The following F13A1 variants were observed in gnomAD, a reference collection of about 807,000 sequenced individuals.
F13A1 encodes coagulation factor XIII A chain, also known as FSF, A subunit.
Under a neutral mutation model 80.1 loss-of-function variants are expected in F13A1, and 47 were observed. The ratio of observed to expected loss-of-function variants is 0.59; its 90% CI spans 0.46 to 0.75. The LOEUF (loss-of-function observed/expected upper bound fraction) is 0.75, where lower values mean the gene tolerates loss of function less well. F13A1 is among the 30% of genes least tolerant of loss of function. The pLI, the probability that F13A1 is intolerant of heterozygous loss-of-function variation, is 0.00. For missense variants in F13A1, 817 were observed against 930.4 expected, an observed-to-expected ratio of 0.88 and a Z score of 1.59; for synonymous variants, 349 against 344.9, an observed-to-expected ratio of 1.01 and a Z score of -0.13.
intron 13 of F13A1, among the ~76,000 whole-genome samples, chr6:6,158,977 C>A (rs1175528037): frequency 6.7e-6 from 1 of 149,914 alleles, no homozygotes; most frequent in Non-Finnish European, 1.5e-5. Context: ...TCTCAGCTCA[C>A]TGCAAGCTCT....
chr6:6,270,963 T>C (rs1277706851), intron 3 of F13A1, among the ~76,000 whole-genome samples: 1 of 152,132 alleles, frequency 6.6e-6, no homozygotes, highest in East Asian at 1.9e-4. Context: ...GTGATTTGCA[T>C]TGGGAAGACT....
At chr6:6,181,530 G>C (rs942348977) in intron 11 of F13A1, among the ~76,000 whole-genome samples, 2 of 152,120 alleles carry the variant, frequency 1.3e-5, no homozygotes, top group African/African-American at 4.8e-5. Context: ...TATTAATATT[G>C]TATTATCTAC....
At chr6:6,299,572 G>A in intron 3 of F13A1, among the ~76,000 whole-genome samples, 1 of 139,130 alleles carries the variant, frequency 7.2e-6, no homozygotes, top group Non-Finnish European at 1.5e-5. Context: ...TCTTCACGTA[G>A]TTCTCGAGCC....
chr6:6,213,162 T>A (rs1358204023), intron 8 of F13A1, among the ~76,000 whole-genome samples: 5 of 151,946 alleles, frequency 3.3e-5, no homozygotes, highest in African/African-American at 1.2e-4. Flanking sequence ...ACGTTCAGAT[T>A]CAGGAAATAC....
At position 6,189,918 on chromosome 6, in the gene F13A1, G is replaced by C. The variant is rs1256802044; in HGVS notation, c.1305+5879C>G. 5.3e-5 allele frequency among the ~76,000 whole-genome samples: 8 copies of C among 152,010 alleles called. No homozygotes were observed. The South Asian group carries it at 1.2e-3, about 24-fold the overall frequency. On this transcript the variant is annotated intron_variant, in intron 10 of 14. Transcript: ENST00000264870. The stretch of plus-strand genomic sequence containing the variant: ...TCCCATATTTCTTGGAGGCTTTTCT[G>C]GTTTCTTTTTATTCTTTTTTCTCTA...
chr6:6,211,667 G>T (rs1038737385), intron 8 of F13A1, among the ~76,000 whole-genome samples: 1 of 152,206 alleles, frequency 6.6e-6, no homozygotes, highest in Non-Finnish European at 1.5e-5. Context: ...AATAATTAGG[G>T]GGAGGAGCCA....
chr6:6,318,484 GC>G, intron 2 of F13A1, 50 bp downstream of exon 2: 2 of 1,577,904 alleles, frequency 1.3e-6, no homozygotes, highest in Non-Finnish European at 1.7e-6. Flanking sequence ...AGGGGCCAGG[GC>G]CCGGCTGTGC....
intron 12 of F13A1, among the ~76,000 whole-genome samples, chr6:6,169,783 G>A (rs1760740422): frequency 6.6e-6 from 1 of 152,212 alleles, no homozygotes; most frequent in Non-Finnish European, 1.5e-5. Flanking sequence ...AATGTCAATG[G>A]TGCTGAAACC....
At chr6:6,319,339 G>A (rs945861878) in intron 1 of F13A1, among the ~76,000 whole-genome samples, 2 of 152,194 alleles carry the variant, frequency 1.3e-5, no homozygotes, top group African/African-American at 2.4e-5. Flanking sequence ...GGTAGGAACT[G>A]CTTTGGAAAT....
chr6:6,183,700 T>C (rs1761027905), intron 10 of F13A1, among the ~76,000 whole-genome samples: 1 of 152,206 alleles, frequency 6.6e-6, no homozygotes, highest in South Asian at 2.1e-4. Context: ...AGTCAAGGGT[T>C]GGCTAGAAAG....
At chr6:6,205,609 A>C (rs2085575) in intron 8 of F13A1, among the ~76,000 whole-genome samples, 98,553 of 152,042 alleles carry the variant, frequency 0.65, 33,014 homozygotes, top group African/African-American at 0.82. Context: ...GAGAATTGTA[A>C]AGCAGCTTTG....
intron 6 of F13A1, among the ~76,000 whole-genome samples, chr6:6,239,431 T>C (rs902505084): frequency 6.6e-6 from 1 of 152,158 alleles, no homozygotes; most frequent in Non-Finnish European, 1.5e-5. Flanking sequence ...GTGCATTTAA[T>C]ATCCATGATT....
chr6:6,207,780 A>T (rs929261031), intron 8 of F13A1, among the ~76,000 whole-genome samples: 29 of 152,220 alleles, frequency 1.9e-4, no homozygotes, highest in African/African-American at 7.0e-4. Context: ...TCCAATTGTT[A>T]TATGACCACT....
chr6:6,273,630 T>C (rs1332078895), intron 3 of F13A1, among the ~76,000 whole-genome samples: 1 of 152,222 alleles, frequency 6.6e-6, no homozygotes, highest in Non-Finnish European at 1.5e-5. Context: ...TGTTAATTCA[T>C]TTTTCCATTT....
intron 10 of F13A1, 28 bp from the exon 11 acceptor site, chr6:6,182,169 C>T (rs777343002): frequency 3.7e-6 from 6 of 1,613,102 alleles, no homozygotes; most frequent in Admixed American, 1.7e-5. Context: ...GAGCATTAGC[C>T]ATCATCACAT....
At chr6:6,190,759 G>C (rs1378255690) in intron 10 of F13A1, among the ~76,000 whole-genome samples, 1 of 151,962 alleles carries the variant, frequency 6.6e-6, no homozygotes, top group Non-Finnish European at 1.5e-5. Context: ...CACCCAGTTC[G>C]AGCTTCCTGG....
intron 3 of F13A1, among the ~76,000 whole-genome samples, chr6:6,267,295 T>A (rs1421708115): frequency 6.6e-6 from 1 of 152,212 alleles, no homozygotes; most frequent in Admixed American, 6.5e-5. Context: ...CCACTCAGAA[T>A]GAATATCACA....
chr6:6,197,882 C>T (rs1467243996), intron 8 of F13A1, among the ~76,000 whole-genome samples: 1 of 152,190 alleles, frequency 6.6e-6, no homozygotes, highest in Non-Finnish European at 1.5e-5. Context: ...TTCAAGGCCA[C>T]CCAAAGATAT....
At chr6:6,278,793 G>A (rs534240438) in intron 3 of F13A1, among the ~76,000 whole-genome samples, 2 of 152,326 alleles carry the variant, frequency 1.3e-5, no homozygotes, top group South Asian at 4.1e-4. Context: ...GAGACAGCCA[G>A]ATCAAGCAGG....
Sources: allele counts gnomAD v4.1 joint callset (sites outside exome capture counted in the v4.1 genomes callset), GRCh38; gene constraint gnomAD v4.1.1; transcripts MANE v1.5; gene names NCBI Gene and HGNC (gene_info 2026-07-23, HGNC 2026-07-21).